Variants in PLCB1 observed in about 807,000 individuals in gnomAD.
PLCB1 encodes phospholipase C beta 1.
In PLCB1, 46 loss-of-function variants were observed where a neutral mutation model predicts 161.8. The observed-to-expected ratio is 0.28, with a 90% CI of 0.22 to 0.36. The LOEUF (loss-of-function observed/expected upper bound fraction) is 0.36. Ranked by LOEUF, PLCB1 falls within the 10% of genes least tolerant of loss-of-function variation. The probability of loss-of-function intolerance (pLI) is 1.00; values close to 1 mark genes in which losing one functional copy is unlikely to be tolerated. For missense variants in PLCB1, 1,016 were observed against 1,472.5 expected (o/e 0.69, Z 5.07); for synonymous variants, 517 against 503.7 (o/e 1.03, Z -0.35).
chr20:8,502,068 T>A (rs1225738094), intron 3 of PLCB1, among the ~76,000 whole-genome samples: 1 of 151,758 alleles, frequency 6.6e-6, no homozygotes, highest in Non-Finnish European at 1.5e-5. Context: ...ATTTGTTAAA[T>A]GTAATTAACG....
chr20:8,839,735 TAAAAA>T (rs71331333), intron 31 of PLCB1, among the ~76,000 whole-genome samples: 2 of 108,878 alleles, frequency 1.8e-5, no homozygotes, highest in Non-Finnish European at 2.0e-5. Flanking sequence ...TAGTAATTCT[TAAAAA>T]AAAAAAAAAA....
chr20:8,439,672 C>G (rs1247683256), intron 3 of PLCB1, among the ~76,000 whole-genome samples: 1 of 152,124 alleles, frequency 6.6e-6, no homozygotes, highest in Non-Finnish European at 1.5e-5. Flanking sequence ...GACAGCAGGT[C>G]TGTAAATAAA....
chr20:8,202,646 A>G (rs1351924264), intron 2 of PLCB1, among the ~76,000 whole-genome samples: 1 of 152,164 alleles, frequency 6.6e-6, no homozygotes, highest in Non-Finnish European at 1.5e-5. Context: ...ATTTAATTCA[A>G]TCGCATATGT....
chr20:8,484,172 TG>T (rs1982622888), intron 3 of PLCB1, among the ~76,000 whole-genome samples: 1 of 151,400 alleles, frequency 6.6e-6, no homozygotes, highest in African/African-American at 2.4e-5. Context: ...ATCATAGGCA[TG>T]CGCCACCATG....
chr20:8,733,439 T>G (rs758282499), intron 19 of PLCB1, 47 bp downstream of exon 19: 2 of 1,501,412 alleles, frequency 1.3e-6, no homozygotes, highest in African/African-American at 1.4e-5. Context: ...AGTGTTGAAT[T>G]TATCTACATT....
intron 2 of PLCB1, among the ~76,000 whole-genome samples, chr20:8,266,258 C>T (rs1981951056): frequency 6.6e-6 from 1 of 152,136 alleles, no homozygotes; most frequent in African/African-American, 2.4e-5. Context: ...ATTCACATGC[C>T]TACACTCAGC....
Position 8,808,845 on chromosome 20 carries a change from T to A in PLCB1, c.3423+18584T>A, listed in dbSNP as rs935556977. ...AAGCTCATAAGAGTCCATTTTAAAA[T>A]TTTTCAGGGATTTTGTGACCTGGTT... On this transcript the variant is annotated intron_variant, in intron 31 of 31. Coordinates refer to ENST00000338037, the MANE Select transcript of PLCB1 (RefSeq NM_015192.4). 2.0e-5 allele frequency among the ~76,000 whole-genome samples: 3 copies of A among 152,156 alleles called. No individual in the cohort carries two copies. In the East Asian group the frequency reaches 5.8e-4, roughly 29 times the overall value.
At chr20:8,409,566 A>C (rs1831293289) in intron 3 of PLCB1, among the ~76,000 whole-genome samples, 1 of 151,782 alleles carries the variant, frequency 6.6e-6, no homozygotes, top group African/African-American at 2.4e-5. Context: ...AGGTTCAAGT[A>C]ATTCTCCTTC....
At chr20:8,673,505 C>T (rs913550236) in intron 9 of PLCB1, among the ~76,000 whole-genome samples, 1 of 152,218 alleles carries the variant, frequency 6.6e-6, no homozygotes, top group Non-Finnish European at 1.5e-5. Context: ...ACTCAGCCCC[C>T]CAAATCCCTG....
chr20:8,466,225 C>CA (rs1981814936), intron 3 of PLCB1, among the ~76,000 whole-genome samples: 3 of 150,678 alleles, frequency 2.0e-5, no homozygotes, highest in Non-Finnish European at 4.4e-5. Context: ...ATCACAAGAA[C>CA]AAAAAACCAA....
At chr20:8,732,363 A>G (rs751405051) in intron 18 of PLCB1, among the ~76,000 whole-genome samples, 1 of 152,004 alleles carries the variant, frequency 6.6e-6, no homozygotes, top group African/African-American at 2.4e-5. Context: ...AAATTTTCCA[A>G]TGAGGACATC....
chr20:8,346,526 CCT>C (rs879295043), intron 2 of PLCB1, among the ~76,000 whole-genome samples: 3 of 152,184 alleles, frequency 2.0e-5, no homozygotes, highest in Non-Finnish European at 4.4e-5. Flanking sequence ...TCACATTGTA[CCT>C]TTTCTCAAAG....
intron 10 of PLCB1, among the ~76,000 whole-genome samples, chr20:8,697,156 T>C (rs1990602052): frequency 6.6e-6 from 1 of 152,196 alleles, no homozygotes; most frequent in African/African-American, 2.4e-5. Flanking sequence ...CTCCCAACAA[T>C]AAATTCTCAT....
intron 9 of PLCB1, among the ~76,000 whole-genome samples, chr20:8,660,598 C>G (rs914430529): frequency 1.3e-5 from 2 of 151,762 alleles, no homozygotes; most frequent in Admixed American, 6.6e-5. Flanking sequence ...GTAGAGGGTA[C>G]AAAGAGAAAA....
intron 3 of PLCB1, among the ~76,000 whole-genome samples, chr20:8,553,030 A>T (rs1418762429): frequency 1.3e-5 from 2 of 152,116 alleles, no homozygotes; most frequent in African/African-American, 4.8e-5. Flanking sequence ...ATGCTTGAAA[A>T]CAGTCCGATT....
intron 3 of PLCB1, among the ~76,000 whole-genome samples, chr20:8,376,046 T>C (rs761941739): frequency 4.6e-5 from 7 of 151,410 alleles, no homozygotes; most frequent in Non-Finnish European, 1.0e-4. Context: ...GTGTGGCTTC[T>C]CAAAAGCATT....
intron 9 of PLCB1, among the ~76,000 whole-genome samples, chr20:8,662,058 T>TA (rs1989655636): frequency 2.0e-5 from 1 of 50,472 alleles, no homozygotes; most frequent in Non-Finnish European, 3.6e-5. Context: ...TATAATTATA[T>TA]ATTTATTATA....
At chr20:8,737,001 GGATT>G (rs779822755) in intron 19 of PLCB1, 23 bp from the exon 20 acceptor site, 4 of 1,567,996 alleles carry the variant, frequency 2.6e-6, no homozygotes, top group East Asian at 4.5e-5. Flanking sequence ...AATTCCTTAT[GGATT>G]GATTGATTTA....
intron 2 of PLCB1, among the ~76,000 whole-genome samples, chr20:8,360,180 C>CTATCAG (rs1427279786): frequency 6.6e-6 from 1 of 152,242 alleles, no homozygotes; most frequent in Non-Finnish European, 1.5e-5. Flanking sequence ...CAGACATGAA[C>CTATCAG]TATCAGCTCT....
Sources: gnomAD v4.1 joint callset for allele counts (sites outside exome capture counted in the v4.1 genomes callset) on GRCh38, gnomAD v4.1.1 for gene constraint, MANE v1.5 for transcripts, NCBI Gene and HGNC (gene_info 2026-07-23, HGNC 2026-07-21) for gene names.